Variants in MRPL1 observed in about 807,000 individuals in gnomAD.
MRPL1 encodes mitochondrial ribosomal protein L1.
MRPL1 carries 28 observed loss-of-function variants against 38.0 expected under a neutral mutation model. The observed-to-expected ratio is 0.74, with a 90% CI of 0.55 to 1.01. The LOEUF is 1.01. Among genes scored for constraint, MRPL1 ranks in the 50% least tolerant of loss-of-function variants. The pLI is 0.00. For synonymous variants in MRPL1, 123 were observed against 126.7 expected (o/e 0.97, Z 0.20); for missense variants, 358 against 389.8 (o/e 0.92, Z 0.69).
intron 7 of MRPL1, among the ~76,000 whole-genome samples, chr4:77,944,137 G>C (rs1033107280): frequency 1.3e-5 from 2 of 152,202 alleles, no homozygotes; most frequent in Non-Finnish European, 2.9e-5. Flanking sequence ...GAGCCAAACT[G>C]TAGTGATTGT....
rs563140261 is a variant in MRPL1 at position 77,929,445 on chromosome 4, A to C, written c.777+20073A>C. ...AATAACATTTATTAATATAGTATTT[A>C]CAGAAACAATAAAAACATCTATAAG... On this transcript the variant is annotated intron_variant, in intron 7 of 8. Transcript: ENST00000315567. 2.6e-5 allele frequency among the ~76,000 whole-genome samples: 4 copies of C among 152,300 alleles called. No homozygotes were observed. In the South Asian group the frequency reaches 8.3e-4, roughly 32 times the overall value.
At chr4:77,871,627 A>G (rs188042605) in intron 1 of MRPL1, 117 bp from the exon 2 acceptor site, 1 of 558,768 alleles carries the variant, frequency 1.8e-6, no homozygotes, top group East Asian at 3.3e-5. Flanking sequence ...TAAAAGAAGG[A>G]TTAAAAATCA....
intron 6 of MRPL1, among the ~76,000 whole-genome samples, chr4:77,900,932 G>A (rs1268650578): frequency 4.6e-5 from 7 of 152,028 alleles, no homozygotes; most frequent in Non-Finnish European, 8.8e-5. Context: ...GAAGACAGAT[G>A]AGGAAAGATG....
chr4:77,866,379 A>G (rs1447456792), intron 1 of MRPL1, among the ~76,000 whole-genome samples: 2 of 152,338 alleles, frequency 1.3e-5, no homozygotes, highest in East Asian at 3.9e-4. Flanking sequence ...TAATTTAATA[A>G]TACTTTGGGG....
intron 7 of MRPL1, among the ~76,000 whole-genome samples, chr4:77,924,785 A>G (rs897990417): frequency 3.9e-5 from 6 of 152,214 alleles, no homozygotes; most frequent in Non-Finnish European, 8.8e-5. Context: ...TATTTGTAGA[A>G]TAAATTAATA....
At chr4:77,882,264 T>C (rs1356203488) in intron 2 of MRPL1, among the ~76,000 whole-genome samples, 1 of 152,260 alleles carries the variant, frequency 6.6e-6, no homozygotes, top group Non-Finnish European at 1.5e-5. Context: ...CAGTACTTTT[T>C]ATTACGTTGT....
chr4:77,926,805 C>T lies in MRPL1; in HGVS notation c.777+17433C>T, dbSNP rs559605462. Among the ~76,000 whole-genome samples the T allele has an allele frequency of 3.3e-5, 5 of 151,914 alleles. 1 individual carries two copies. Among genetic ancestry groups the T allele is most frequent in the African/African-American group, 7.2e-5 (3 of 41,466 alleles). The stretch of plus-strand genomic sequence containing the variant: ...TGTATTTTTAGTAGAGACGGGGCTT[C>T]GTCATGTTGGCCAGTCTGGTCTTGA... On this transcript the variant is annotated intron_variant, in intron 7 of 8. Transcript: ENST00000315567.
chr4:77,892,532 A>C (rs555505582), intron 5 of MRPL1, among the ~76,000 whole-genome samples: 1 of 152,272 alleles, frequency 6.6e-6, no homozygotes, highest in East Asian at 1.9e-4. Context: ...AAGTAACTTC[A>C]TATTTTTACT....
chr4:77,885,084 C>T (rs1017252820), intron 3 of MRPL1, among the ~76,000 whole-genome samples, 172 bp from the exon 4 acceptor site: 2 of 151,870 alleles, frequency 1.3e-5, no homozygotes, highest in East Asian at 1.9e-4. Flanking sequence ...AAATTGTAAT[C>T]GATGAATAGT....
rs759950464 is a variant in MRPL1, at chr4:77,887,284, T to C, written c.551T>C (p.Ile184Thr). ...GCATTTGCAGGAGGCACTAGTCTGA[T>C]ACAGAAGGTACAGTGTTGTTTTCAT... Reference protein sequence around the residue: ...GAAFAGGTSLIQKIWDDEIVA... With the variant: ...GAAFAGGTSLTQKIWDDEIVA... The change falls in exon 5 of 9, where the codon ATA (isoleucine) becomes ACA (threonine). Residue 184 changes from isoleucine to threonine, a missense_variant. By Grantham distance (89) the Ile-to-Thr change is moderately conservative. Coordinates refer to ENST00000315567, the MANE Select transcript of MRPL1 (RefSeq NM_020236.4). 6.2e-7 allele frequency: 1 copy of C among 1,612,572 alleles called. No homozygotes were observed. Among genetic ancestry groups the C allele is most frequent in the Non-Finnish European group, 8.5e-7 (1 of 1,178,538 alleles).
chr4:77,927,969 A>G lies in MRPL1; in HGVS notation c.777+18597A>G, dbSNP rs914418270. 8.5e-5 allele frequency among the ~76,000 whole-genome samples: 13 copies of G among 152,338 alleles called. No homozygotes were observed. In the East Asian group the frequency reaches 2.5e-3, roughly 29 times the overall value. On this transcript the variant is annotated intron_variant, in intron 7 of 8. Coordinates refer to ENST00000315567, the MANE Select transcript of MRPL1 (RefSeq NM_020236.4). ...ACAAGTATTTCTTGTCTGGATTTCA[A>G]ATATATTTGGAGCTTTGACATACTT... is the stretch of plus-strand genomic sequence containing the variant.
At chr4:77,942,317 A>G (rs1393247839) in intron 7 of MRPL1, among the ~76,000 whole-genome samples, 2 of 152,124 alleles carry the variant, frequency 1.3e-5, no homozygotes, top group Non-Finnish European at 2.9e-5. Context: ...CCATGTGCTG[A>G]TGAATGGAAT....
chr4:77,939,932 T>C (rs540280906), intron 7 of MRPL1, among the ~76,000 whole-genome samples: 47 of 152,326 alleles, frequency 3.1e-4, no homozygotes, highest in Admixed American at 1.0e-3. Flanking sequence ...ACCATGCTGT[T>C]TTGGTGACTA....
At chr4:77,866,084 C>T (rs1735135833) in intron 1 of MRPL1, among the ~76,000 whole-genome samples, 1 of 152,166 alleles carries the variant, frequency 6.6e-6, no homozygotes, top group African/African-American at 2.4e-5. Context: ...TGGAGTCTTG[C>T]TCTGTTGTCC....
chr4:77,915,335 A>G (rs1218908962), intron 7 of MRPL1, among the ~76,000 whole-genome samples: 1 of 152,338 alleles, frequency 6.6e-6, no homozygotes, highest in Admixed American at 6.5e-5. Flanking sequence ...CTGCCTTTGT[A>G]TATCCAAACT....
chr4:77,940,088 G>A (rs929544692), intron 7 of MRPL1, among the ~76,000 whole-genome samples: 18 of 151,912 alleles, frequency 1.2e-4, no homozygotes, highest in East Asian at 1.2e-3. Context: ...GAATGATGTC[G>A]GTATTTTGAT....
intron 2 of MRPL1, among the ~76,000 whole-genome samples, chr4:77,879,440 C>CCCAA (rs1434937686): frequency 6.6e-6 from 1 of 152,040 alleles, no homozygotes; most frequent in Admixed American, 6.5e-5. Flanking sequence ...TTGCAATATA[C>CCCAA]CCAACTCAGA....
At chr4:77,936,902 A>AT (rs1375398739) in intron 7 of MRPL1, among the ~76,000 whole-genome samples, 3 of 152,170 alleles carry the variant, frequency 2.0e-5, no homozygotes, top group African/African-American at 7.2e-5. Context: ...AGATGGGAGA[A>AT]TCGCCTGAGC....
At chr4:77,952,423 C>T in intron 8 of MRPL1, 66 bp from the exon 9 acceptor site, 1 of 1,105,596 alleles carries the variant, frequency 9.0e-7, no homozygotes, top group Non-Finnish European at 1.4e-6. Context: ...TGAGGACCTA[C>T]TTTATTTGCT....
Sources: allele counts gnomAD v4.1 joint callset (sites outside exome capture counted in the v4.1 genomes callset), GRCh38; gene constraint gnomAD v4.1.1; transcripts MANE v1.5; gene names NCBI Gene and HGNC (gene_info 2026-07-23, HGNC 2026-07-21).